The following OR14J1 variants were observed in gnomAD, a reference collection of about 807,000 sequenced individuals.
The protein encoded by OR14J1 is olfactory receptor family 14 subfamily J member 1.
For synonymous variants in OR14J1, 140 were observed against 146.7 expected (o/e 0.95, Z 0.33); for missense variants, 378 against 393.4 (o/e 0.96, Z 0.33).
At position 29,311,218 on chromosome 6, in the gene OR14J1, G is replaced by T. The variant is rs1453147979; in HGVS notation, c.*3563G>T. 4.6e-5 allele frequency: 7 copies of T among 152,132 alleles called. No individual in the cohort carries two copies. The highest frequency in any genetic ancestry group is 1.4e-4 in the African/African-American group (6 of 41,406). The allele number at this position is 152,132 out of a possible 1,614,324, so 9.4% of individuals were successfully genotyped here. On this transcript the variant is annotated 3_prime_UTR_variant, in exon 2 of 2. Coordinates refer to ENST00000641895, the MANE Select transcript of OR14J1 (RefSeq NM_030946.2). The stretch of plus-strand genomic sequence containing the variant: ...TTCTCAGGGAATGCTTCCAGGTTTT[G>T]CCCATTCAGTATGATATTGGCTGTG...
At chr6:29,301,837 G>A (rs1470755592) in intron 1 of OR14J1, 50 bp downstream of exon 1, 1 of 152,020 alleles carries the variant, frequency 6.6e-6, no homozygotes, top group African/African-American at 2.4e-5. Flanking sequence ...CATTTATGTA[G>A]CACCTGCTTA....
chr6:29,309,346 G>A lies in OR14J1; in HGVS notation c.*1691G>A, dbSNP rs762718565. On this transcript the variant is annotated 3_prime_UTR_variant, in exon 2 of 2. Transcript: ENST00000641895. The stretch of plus-strand genomic sequence containing the variant: ...GTGAACAGTGCCACAATAAACATAC[G>A]TGTGCATGTGTCTTTATAGTAGAAT... 9.2e-5 allele frequency: 14 copies of A among 152,262 alleles called. No homozygotes were observed. The highest frequency in any genetic ancestry group is 5.8e-4 in the East Asian group (3 of 5,190). The allele number at this position is 152,262 out of a possible 1,614,324, so 9.4% of individuals were successfully genotyped here.
In OR14J1 at chr6:29,302,189, T is replaced by C. The variant is rs28369097; in HGVS notation, c.-29+402T>C. Among the ~76,000 whole-genome samples, 15 of 131,740 alleles carry C rather than the reference T, an allele frequency of 1.1e-4. No individual in the cohort carries two copies. In the East Asian group the frequency reaches 2.5e-3, roughly 22 times the overall value. The allele number at this position is 131,740 out of a possible 152,430, so 86.4% of individuals were successfully genotyped here. Reference sequence around the variant, plus strand: ...TTTTCTTTTTTTTTTCTTTTTTTTTTTTTTTTTTGAGACGAGTCTCGCTCT... The same window carrying C: ...TTTTCTTTTTTTTTTCTTTTTTTTTCTTTTTTTTGAGACGAGTCTCGCTCT... On this transcript the variant is annotated intron_variant, in intron 1 of 1. Transcript: ENST00000641895.
At chr6:29,305,690 A>AG (rs1775027991) in intron 1 of OR14J1, among the ~76,000 whole-genome samples, 1 of 152,158 alleles carries the variant, frequency 6.6e-6, no homozygotes, top group East Asian at 1.9e-4. Flanking sequence ...AGGAAAAGTT[A>AG]CATCATTTAA....
chr6:29,303,688 C>CTCTATCTATCTA (rs70983984), intron 1 of OR14J1, among the ~76,000 whole-genome samples: 139 of 149,074 alleles, frequency 9.3e-4, no homozygotes, highest in African/African-American at 1.8e-3. Flanking sequence ...TTAAGATTAT[C>CTCTATCTATCTA]TCTATCTATC....
At position 29,310,728 on chromosome 6, in the gene OR14J1, T is replaced by G. The variant is rs9257703; in HGVS notation, c.*3073T>G. On this transcript the variant is annotated 3_prime_UTR_variant, in exon 2 of 2. Coordinates refer to ENST00000641895, the MANE Select transcript of OR14J1 (RefSeq NM_030946.2). ...CAGTATGGCCATTTTTCATGATATT[T>G]ATTCTTCCTACCCATGAGGATGGAA... is the stretch of plus-strand genomic sequence containing the variant. The G allele has an allele frequency of 0.72, 109,107 of 152,096 alleles. 40,428 individuals carry two copies. The highest frequency in any genetic ancestry group is 0.8 in the East Asian group (4,141 of 5,174). The allele number at this position is 152,096 out of a possible 1,614,324, so 9.4% of individuals were successfully genotyped here. A position where few individuals can be genotyped will look rare whatever the true frequency, so the allele number is the denominator to read the frequency against.
rs1340081713 is a variant in OR14J1, at chr6:29,307,123, C to T, written c.434C>T (p.Ala145Val). ...DPRACRHAVI[A>V]VWIAGGLSGL... ...CGTGCCTGTAGGCATGCAGTGATAG[C>T]TGTGTGGATTGCTGGGGGCCTCTCT... Residue 145 changes from alanine to valine, a missense_variant, in exon 2 of 2, where the codon GCT becomes GTT. Coordinates refer to ENST00000641895, the MANE Select transcript of OR14J1 (RefSeq NM_030946.2). 1.9e-6 allele frequency: 3 copies of T among 1,613,026 alleles called. No individual in the cohort carries two copies. The highest frequency in any genetic ancestry group is 4.5e-5 in the East Asian group (2 of 44,890).
chr6:29,308,478 T>A lies in OR14J1; in HGVS notation c.*823T>A, dbSNP rs1775270322. 6.6e-6 allele frequency: 1 copy of A among 152,230 alleles called. No homozygotes were observed. The highest frequency in any genetic ancestry group is 6.5e-5 in the Admixed American group (1 of 15,290). 9.4% of individuals were successfully genotyped at this position (152,230 alleles called of 1,614,324 possible). A position where few individuals can be genotyped will look rare whatever the true frequency, so the allele number is the denominator to read the frequency against. The stretch of plus-strand genomic sequence containing the variant: ...TATATTAATTCCTTTACTTTTCTGA[T>A]CTGTACAAGAGTTTGACAAATTGGT... On this transcript the variant is annotated 3_prime_UTR_variant, in exon 2 of 2. Coordinates refer to ENST00000641895, the MANE Select transcript of OR14J1 (RefSeq NM_030946.2).
chr6:29,309,159 T>G lies in OR14J1; in HGVS notation c.*1504T>G, dbSNP rs1297945529. On this transcript the variant is annotated 3_prime_UTR_variant, in exon 2 of 2. Coordinates refer to ENST00000641895, the MANE Select transcript of OR14J1 (RefSeq NM_030946.2). The stretch of plus-strand genomic sequence containing the variant: ...TGTTCTTGTGTTAGTTTGCTGAGAA[T>G]GATGGTTTCCAGCTTCATCCATGTC... 6.6e-6 allele frequency: 1 copy of G among 152,242 alleles called. No individual in the cohort carries two copies. The highest frequency in any genetic ancestry group is 1.5e-5 in the Non-Finnish European group (1 of 68,060). The allele number at this position is 152,242 out of a possible 1,614,324, so 9.4% of individuals were successfully genotyped here. A position where few individuals can be genotyped will look rare whatever the true frequency, so the allele number is the denominator to read the frequency against.
chr6:29,305,441 A>G (rs760884950), intron 1 of OR14J1, among the ~76,000 whole-genome samples: 4 of 152,246 alleles, frequency 2.6e-5, no homozygotes, highest in Non-Finnish European at 4.4e-5. Context: ...ATAAGTATTT[A>G]CTTAGAACCT....
chr6:29,305,249 A>T (rs1259204840), intron 1 of OR14J1, among the ~76,000 whole-genome samples: 1 of 152,184 alleles, frequency 6.6e-6, no homozygotes, highest in Non-Finnish European at 1.5e-5. Context: ...ATTACAGCAA[A>T]ATCAAAAAGA....
In OR14J1 at chr6:29,307,497, C is replaced by A; in HGVS notation, c.808C>A (p.Leu270Ile). 1 of 1,612,940 alleles carries A rather than the reference C, an allele frequency of 6.2e-7. No individual in the cohort carries two copies. The highest frequency in any genetic ancestry group is 8.5e-7 in the Non-Finnish European group (1 of 1,179,982). ...LPSDSSSTVD[L>I]VFSVFYTVIP... is the part of the protein sequence containing the mutation. ...TTCTGATTCCTCATCGACTGTGGAC[C>A]TTGTATTCTCCGTATTCTATACTGT... is the stretch of plus-strand genomic sequence containing the variant. The change falls in exon 2 of 2, where the codon CTT becomes ATT. Residue 270 changes from leucine to isoleucine, a missense_variant. Leu to Ile is a conservative substitution (Grantham distance 5). Transcript: ENST00000641895.
rs1214438847 is a variant in OR14J1, at chr6:29,312,622, G to T, written c.*4967G>T. 1.3e-5 allele frequency: 2 copies of T among 152,210 alleles called. No homozygotes were observed. Among genetic ancestry groups the T allele is most frequent in the African/African-American group, 4.8e-5 (2 of 41,426 alleles). The allele number at this position is 152,210 out of a possible 1,614,324, so 9.4% of individuals were successfully genotyped here. On this transcript the variant is annotated 3_prime_UTR_variant, in exon 2 of 2. Transcript: ENST00000641895. ...CAGTTAGAAATGCAGAAATCATCTG[G>T]CTTCTGCATTGATCTCAGTGGGAGC...
rs1359099418 is a variant in OR14J1, at chr6:29,307,734, C to G, written c.*79C>G. ...GAATCTTATTTCTACCCAGAATGCT[C>G]TTCCAAGCTGTCTATTGTATATATT... On this transcript the variant is annotated 3_prime_UTR_variant, in exon 2 of 2. Transcript: ENST00000641895. 3 of 802,246 alleles carry G rather than the reference C, an allele frequency of 3.7e-6. No homozygotes were observed. Among genetic ancestry groups the G allele is most frequent in the Non-Finnish European group, 6.0e-6 (3 of 496,320 alleles). The allele number at this position is 802,246 out of a possible 1,614,324, so 49.7% of individuals were successfully genotyped here. A position where few individuals can be genotyped will look rare whatever the true frequency, so the allele number is the denominator to read the frequency against.
At chr6:29,306,143 A>G in intron 1 of OR14J1, among the ~76,000 whole-genome samples, 1 of 152,186 alleles carries the variant, frequency 6.6e-6, no homozygotes, top group East Asian at 1.9e-4. Context: ...TAATCTTTTT[A>G]AAGTGTTAAG....
chr6:29,307,319 C>A lies in OR14J1; in HGVS notation c.630C>A (p.Ile210=), dbSNP rs974459863. The A allele has an allele frequency of 6.2e-7, 1 of 1,613,072 alleles. No individual in the cohort carries two copies. The change falls in exon 2 of 2, where the codon ATC becomes ATA. Residue 210 remains isoleucine, a synonymous_variant. Coordinates refer to ENST00000641895, the MANE Select transcript of OR14J1 (RefSeq NM_030946.2). ...CGTCTGCAGCATTTATCTGTTTGAT[C>A]TCCATTGTGCTCTCCTACATTCGCA... The part of the protein sequence containing the change: ...FTTSAAFICL[I]SIVLSYIRIF...
In OR14J1 at chr6:29,312,861, A is replaced by G. The variant is rs3117431; in HGVS notation, c.*5206A>G. 145,635 of 152,272 alleles carry G rather than the reference A, an allele frequency of 0.96. 69,704 individuals carry two copies. Among genetic ancestry groups the G allele is most frequent in the East Asian group, 1 (5,159 of 5,160 alleles). 9.4% of individuals were successfully genotyped at this position (152,272 alleles called of 1,614,324 possible). On this transcript the variant is annotated 3_prime_UTR_variant, in exon 2 of 2. Coordinates refer to ENST00000641895, the MANE Select transcript of OR14J1 (RefSeq NM_030946.2). Reference sequence around the variant, plus strand: ...GACCATCTTGGCTACCTTGTCAGGTATTTTGAAAAACTTTTAGCTTTTTAA... The same window carrying G: ...GACCATCTTGGCTACCTTGTCAGGTGTTTTGAAAAACTTTTAGCTTTTTAA...
Position 29,307,616 on chromosome 6 carries a change from T to G in OR14J1, c.927T>G (p.Pro309=). Residue 309 remains proline (P), a synonymous_variant, in exon 2 of 2, where the codon CCT becomes CCG. Transcript: ENST00000641895. ...LRKMLSKEEL[P]QRKMCLKAMF... is the part of the protein sequence containing the mutation. Reference sequence around the variant, plus strand: ...AGATGCTGTCAAAGGAAGAGCTTCCTCAGAGAAAAATGTGCTTAAAAGCCA... The same window carrying G: ...AGATGCTGTCAAAGGAAGAGCTTCCGCAGAGAAAAATGTGCTTAAAAGCCA... 1 of 1,605,488 alleles carries G rather than the reference T, an allele frequency of 6.2e-7. No homozygotes were observed. Among genetic ancestry groups the G allele is most frequent in the Admixed American group, 1.7e-5 (1 of 59,580 alleles).
At position 29,307,850 on chromosome 6, in the gene OR14J1, T is replaced by G. The variant is rs143752928; in HGVS notation, c.*195T>G. 4.2e-6 allele frequency: 2 copies of G among 477,334 alleles called. No homozygotes were observed. The highest frequency in any genetic ancestry group is 7.3e-6 in the Non-Finnish European group (2 of 274,812). 29.6% of individuals were successfully genotyped at this position (477,334 alleles called of 1,614,324 possible). Reference sequence around the variant, plus strand: ...CCTCCAATTCAAGTGTTATTTTAAGTCATCTTTGGAAAATTTTTCTGAAAT... The same window carrying G: ...CCTCCAATTCAAGTGTTATTTTAAGGCATCTTTGGAAAATTTTTCTGAAAT... On this transcript the variant is annotated 3_prime_UTR_variant, in exon 2 of 2. Transcript: ENST00000641895.
Sources: gnomAD v4.1 joint callset for allele counts (sites outside exome capture counted in the v4.1 genomes callset) on GRCh38, gnomAD v4.1.1 for gene constraint, MANE v1.5 for transcripts, NCBI Gene and HGNC (gene_info 2026-07-23, HGNC 2026-07-21) for gene names.